The following TTLL5 variants were observed in gnomAD, a reference collection of about 807,000 sequenced individuals.
The protein encoded by TTLL5 is tubulin polyglutamylase TTLL5.
A neutral mutation model predicts 168.4 loss-of-function variants in TTLL5; 132 were observed. The ratio of observed to expected loss-of-function variants is 0.78; its 90% CI spans 0.68 to 0.91. The LOEUF (loss-of-function observed/expected upper bound fraction) is 0.91. Among genes scored for constraint, TTLL5 ranks in the 40% least tolerant of loss-of-function variants. The probability of loss-of-function intolerance (pLI) is 0.00; values close to 1 mark genes in which losing one functional copy is unlikely to be tolerated. For missense variants in TTLL5, 1,545 were observed against 1,581.5 expected (o/e 0.98, Z 0.39); for synonymous variants, 546 against 558.6 (o/e 0.98, Z 0.32).
rs545370867 is a variant in TTLL5 at position 75,939,590 on chromosome 14, T to G, written c.3824-14834T>G. On this transcript the variant is annotated intron_variant, in intron 31 of 31. Coordinates refer to ENST00000298832, the MANE Select transcript of TTLL5 (RefSeq NM_015072.5). ...TTTTTAGTAGAGATGAGTTTCTCTA[T>G]GTTGCCCAGGCTGGTCTCAAATTCC... is the stretch of plus-strand genomic sequence containing the variant. Among the ~76,000 whole-genome samples the G allele has an allele frequency of 2.9e-3, 436 of 152,288 alleles. 1 individual carries two copies. The highest frequency in any genetic ancestry group is 3.9e-3 in the Non-Finnish European group (268 of 68,022).
chr14:75,846,068 A>T (rs1052245361), intron 28 of TTLL5, among the ~76,000 whole-genome samples: 4 of 152,242 alleles, frequency 2.6e-5, no homozygotes, highest in African/African-American at 9.6e-5. Flanking sequence ...CTTTTGTCAA[A>T]TGCCAATTCC....
intron 12 of TTLL5, chr14:75,727,872 ATACT>A (rs1594934467): frequency 4.0e-6 from 2 of 496,326 alleles, no homozygotes; most frequent in African/African-American, 3.9e-5. Flanking sequence ...AAAGGGCAGG[ATACT>A]TACTAGGAAG....
At chr14:75,863,597 T>G (rs2030217911) in intron 28 of TTLL5, 70 bp from the exon 29 acceptor site, 1 of 1,410,236 alleles carries the variant, frequency 7.1e-7, no homozygotes, top group Admixed American at 2.4e-5. Context: ...ACCTGAGATA[T>G]TTCTCTCCTT....
rs540867894 is a variant in TTLL5, at chr14:75,669,482, C to T, written c.141C>T (p.Asp47=). 164 of 1,614,104 alleles carry T rather than the reference C, an allele frequency of 1.0e-4. 3 individuals carry two copies. In the Admixed American group the frequency reaches 2.3e-3, roughly 23 times the overall value. ...TTCCAGTTTTGGTATTCCATGCCGA[C>T]GCTATTCTTACAAAGGACAACAATA... ...RRIPVLVFHA[D]AILTKDNNIR... Residue 47 remains aspartate (D), a synonymous_variant, in exon 3 of 32, where the codon GAC becomes GAT. Coordinates refer to ENST00000298832, the MANE Select transcript of TTLL5 (RefSeq NM_015072.5).
At chr14:75,746,162 A>G (rs1889595726) in intron 17 of TTLL5, among the ~76,000 whole-genome samples, 1 of 152,218 alleles carries the variant, frequency 6.6e-6, no homozygotes, top group Non-Finnish European at 1.5e-5. Context: ...ATGGAATCAT[A>G]CAGTATGTAC....
At chr14:75,899,570 A>G (rs1191380833) in intron 30 of TTLL5, among the ~76,000 whole-genome samples, 3 of 152,242 alleles carry the variant, frequency 2.0e-5, no homozygotes, top group African/African-American at 4.8e-5. Flanking sequence ...ACATTTCTAC[A>G]TCACAGGGAG....
chr14:75,878,670 C>T (rs1040918111), intron 29 of TTLL5, among the ~76,000 whole-genome samples: 1 of 152,170 alleles, frequency 6.6e-6, no homozygotes, highest in African/African-American at 2.4e-5. Flanking sequence ...AAGGGAGAAG[C>T]GATTTTATCT....
chr14:75,862,292 A>G (rs1407349236), intron 28 of TTLL5, among the ~76,000 whole-genome samples: 2 of 152,200 alleles, frequency 1.3e-5, no homozygotes, highest in Non-Finnish European at 2.9e-5. Flanking sequence ...GCTGCTATGA[A>G]CATTGGTGTA....
At chr14:75,897,447 T>G (rs2032721194) in intron 30 of TTLL5, among the ~76,000 whole-genome samples, 1 of 152,064 alleles carries the variant, frequency 6.6e-6, no homozygotes, top group Non-Finnish European at 1.5e-5. Context: ...TTAAGCAGTT[T>G]TTATTTTATT....
At chr14:75,903,177 T>C (rs2032999359) in intron 31 of TTLL5, among the ~76,000 whole-genome samples, 1 of 152,116 alleles carries the variant, frequency 6.6e-6, no homozygotes, top group Non-Finnish European at 1.5e-5. Context: ...GTCTGAAGTC[T>C]CACAACTAGT....
intron 30 of TTLL5, among the ~76,000 whole-genome samples, chr14:75,885,315 C>A (rs1256630407): frequency 6.6e-6 from 1 of 151,998 alleles, no homozygotes; most frequent in Admixed American, 6.6e-5. Flanking sequence ...ATGGTGAAAC[C>A]CCGTCTCTAC....
intron 28 of TTLL5, among the ~76,000 whole-genome samples, chr14:75,825,286 T>G (rs1895059173): frequency 6.6e-6 from 1 of 152,184 alleles, no homozygotes; most frequent in African/African-American, 2.4e-5. Flanking sequence ...TAGTACCTAG[T>G]TTACATCACT....
chr14:75,882,888 C>T lies in TTLL5; in HGVS notation c.3726C>T (p.Ser1242=), dbSNP rs1470258283. The change falls in exon 30 of 32, where the codon TCC becomes TCT. Residue 1242 remains serine, a synonymous_variant. Coordinates refer to ENST00000298832, the MANE Select transcript of TTLL5 (RefSeq NM_015072.5). The part of the protein sequence containing the change: ...NHEQVLRRAT[S]QKASKGSSAE... ...AACAAGTGCTCAGAAGGGCAACATC[C>T]CAGAAAGCTTCCAAGTAAGTTTTTT... The T allele has an allele frequency of 3.1e-6, 5 of 1,614,112 alleles. No homozygotes were observed. The highest frequency in any genetic ancestry group is 4.2e-6 in the Non-Finnish European group (5 of 1,179,992).
At chr14:75,831,855 AAC>A (rs2139810806) in intron 28 of TTLL5, among the ~76,000 whole-genome samples, 1 of 152,320 alleles carries the variant, frequency 6.6e-6, no homozygotes, top group African/African-American at 2.4e-5. Flanking sequence ...TAAGGAACTA[AAC>A]ACAACCCTTT....
At chr14:75,930,808 T>A (rs1479972510) in intron 31 of TTLL5, among the ~76,000 whole-genome samples, 1 of 152,230 alleles carries the variant, frequency 6.6e-6, no homozygotes, top group Non-Finnish European at 1.5e-5. Flanking sequence ...AAAGTCTGGC[T>A]ATGATAAATC....
intron 27 of TTLL5, among the ~76,000 whole-genome samples, chr14:75,794,803 A>G (rs886267108): frequency 6.6e-6 from 1 of 152,214 alleles, no homozygotes; most frequent in Admixed American, 6.5e-5. Context: ...TAGATTAGCC[A>G]TCCAGAGACT....
At chr14:75,725,629 C>A (rs1888143987) in intron 12 of TTLL5, among the ~76,000 whole-genome samples, 1 of 152,150 alleles carries the variant, frequency 6.6e-6, no homozygotes, top group Non-Finnish European at 1.5e-5. Context: ...CTTTCTCCAC[C>A]CACATAAAGA....
rs550795747 is a variant in TTLL5 at position 75,737,475 on chromosome 14, T to C, written c.1281+2186T>C. ...TTTGGTTTCTGCTTGGAGATTATTT[T>C]TTCCTTTTTTATATCATAGATCTAG... On this transcript the variant is annotated intron_variant, in intron 15 of 31. Transcript: ENST00000298832. 5 of 1,333,742 alleles carry C rather than the reference T, an allele frequency of 3.7e-6. No individual in the cohort carries two copies. In the South Asian group the frequency reaches 6.9e-5, roughly 18 times the overall value. The allele number at this position is 1,333,742 out of a possible 1,614,324, so 82.6% of individuals were successfully genotyped here. A position where few individuals can be genotyped will look rare whatever the true frequency, so the allele number is the denominator to read the frequency against.
At chr14:75,888,997 T>A (rs574686232) in intron 30 of TTLL5, among the ~76,000 whole-genome samples, 1 of 151,870 alleles carries the variant, frequency 6.6e-6, no homozygotes, top group Admixed American at 6.5e-5. Flanking sequence ...GGAATGAGTT[T>A]AAGCAAGAAA....
Sources: allele counts gnomAD v4.1 joint callset (sites outside exome capture counted in the v4.1 genomes callset), GRCh38; gene constraint gnomAD v4.1.1; transcripts MANE v1.5; gene names NCBI Gene and HGNC (gene_info 2026-07-23, HGNC 2026-07-21).